The following GPR89B variants were observed in gnomAD, a reference collection of about 807,000 sequenced individuals.
The protein encoded by GPR89B is G protein-coupled receptor 89B.
GPR89B carries 25 observed loss-of-function variants against 52.4 expected under a neutral mutation model. The observed-to-expected ratio is 0.48, with a 90% CI of 0.35 to 0.67. The LOEUF (loss-of-function observed/expected upper bound fraction) is 0.67. Ranked by LOEUF, GPR89B falls within the 30% of genes least tolerant of loss-of-function variation. GPR89B has a pLI of 0.01. For synonymous variants in GPR89B, 52 were observed against 151.2 expected (o/e 0.34, Z 4.81); for missense variants, 146 against 450.2 (o/e 0.32, Z 6.11).
chr1:147,948,756 ATTTTTTTT>A (rs199854363), intron 5 of GPR89B, among the ~76,000 whole-genome samples: 10 of 138,314 alleles, frequency 7.2e-5, no homozygotes, highest in South Asian at 2.3e-4. Flanking sequence ...AGATAAAATA[ATTTTTTTT>A]TTTTTTTTTT....
intron 5 of GPR89B, among the ~76,000 whole-genome samples, chr1:147,948,070 A>G (rs1206460838): frequency 6.6e-6 from 1 of 152,144 alleles, no homozygotes; most frequent in African/African-American, 2.4e-5. Flanking sequence ...AGAGGTAAAT[A>G]TATAAATAAA....
At chr1:147,959,119 T>A (rs1656348482) in intron 7 of GPR89B, among the ~76,000 whole-genome samples, 1 of 152,162 alleles carries the variant, frequency 6.6e-6, no homozygotes, top group Non-Finnish European at 1.5e-5. Flanking sequence ...AGGGCCATAG[T>A]GAGATGACAT....
the GPR89B span, among the ~76,000 whole-genome samples, chr1:148,008,980 C>T: frequency 1.2e-4 from 19 of 152,118 alleles, no homozygotes; most frequent in Admixed American, 1.2e-3. Flanking sequence ...TCTCATTTTT[C>T]TTGCCTTTTA....
At chr1:148,002,038 C>CTTTT in the GPR89B span, among the ~76,000 whole-genome samples, 5 of 130,048 alleles carry the variant, frequency 3.8e-5, no homozygotes, top group South Asian at 2.4e-4. Flanking sequence ...CCAGATGCTG[C>CTTTT]TTTTTTTTTT....
chr1:147,968,227 A>G (rs1482838286), intron 8 of GPR89B: 2 of 453,460 alleles, frequency 4.4e-6, no homozygotes, highest in African/African-American at 2.0e-5. Flanking sequence ...CTTGGAAAAT[A>G]ACATAGTGTA....
chr1:148,013,747 G>T, the GPR89B span, among the ~76,000 whole-genome samples: 1 of 152,120 alleles, frequency 6.6e-6, no homozygotes, highest in Non-Finnish European at 1.5e-5. Context: ...CTGCCTCAGG[G>T]TCTCTGTCCT....
At chr1:148,012,034 G>A in the GPR89B span, 1 of 152,076 alleles carries the variant, frequency 6.6e-6, no homozygotes, top group Non-Finnish European at 1.5e-5. Context: ...GCAACGTTTG[G>A]AGAGTTTTTT....
chr1:147,942,035 CAA>C (rs1366532743), intron 3 of GPR89B, among the ~76,000 whole-genome samples: 11 of 150,742 alleles, frequency 7.3e-5, no homozygotes, highest in Admixed American at 4.0e-4. Context: ...ATTCCAAAAA[CAA>C]GAGAAAATTT....
downstream of GPR89B, among the ~76,000 whole-genome samples, chr1:147,995,097 ATT>A (rs1341780314): frequency 2.0e-5 from 3 of 152,150 alleles, no homozygotes; most frequent in African/African-American, 7.2e-5. Context: ...TTTAAACAAT[ATT>A]GTCTTTAACC....
chr1:147,952,203 A>G (rs587613686), intron 5 of GPR89B, among the ~76,000 whole-genome samples: 2 of 152,236 alleles, frequency 1.3e-5, no homozygotes, highest in East Asian at 1.9e-4. Context: ...TCTGGAGACC[A>G]TACATTTGTA....
chr1:147,987,395 C>CT (rs1658745136), intron 11 of GPR89B, among the ~76,000 whole-genome samples: 1 of 149,422 alleles, frequency 6.7e-6, no homozygotes, highest in Non-Finnish European at 1.5e-5. Flanking sequence ...TGGCATGCAC[C>CT]TGTAGTCCCA....
intron 12 of GPR89B, among the ~76,000 whole-genome samples, chr1:147,991,157 C>T (rs1659036999): frequency 6.6e-6 from 1 of 150,878 alleles, no homozygotes; most frequent in East Asian, 1.9e-4. Context: ...TTGAAGAGGT[C>T]CTTCACATCC....
At chr1:147,970,525 C>CTCTCTA (rs1657362977) in intron 10 of GPR89B, among the ~76,000 whole-genome samples, 1 of 145,114 alleles carries the variant, frequency 6.9e-6, no homozygotes, top group Admixed American at 6.8e-5. Flanking sequence ...CTCTCTCTCT[C>CTCTCTA]TCTCTCTCTA....
At chr1:147,928,818 G>C (rs1553246586) in intron 1 of GPR89B, 1 of 263,548 alleles carries the variant, frequency 3.8e-6, no homozygotes, top group Non-Finnish European at 5.9e-6. Context: ...CCGGAATTTC[G>C]GTCCACTTTT....
intron 12 of GPR89B, among the ~76,000 whole-genome samples, chr1:147,989,494 C>T (rs1438617562): frequency 1.3e-5 from 2 of 150,320 alleles, no homozygotes; most frequent in East Asian, 3.9e-4. Flanking sequence ...AGGTTTGTTA[C>T]ATTTGGATAC....
the GPR89B span, among the ~76,000 whole-genome samples, chr1:147,999,012 C>T: frequency 6.6e-6 from 1 of 151,934 alleles, no homozygotes; most frequent in African/African-American, 2.4e-5. Context: ...ACCCTCCACC[C>T]CAACCTACAG....
chr1:147,950,681 G>C (rs1261267564), intron 5 of GPR89B, among the ~76,000 whole-genome samples: 1 of 152,186 alleles, frequency 6.6e-6, no homozygotes, highest in Admixed American at 6.5e-5. Context: ...CTGCAATCCC[G>C]GCACCTCGGG....
At chr1:147,973,732 A>C (rs1187055141) in intron 10 of GPR89B, among the ~76,000 whole-genome samples, 6 of 151,928 alleles carry the variant, frequency 3.9e-5, no homozygotes, top group Admixed American at 3.9e-4. Flanking sequence ...TTTTGTCATG[A>C]AACCTTTGCC....
At chr1:148,017,510 G>A in the GPR89B span, among the ~76,000 whole-genome samples, 1 of 149,932 alleles carries the variant, frequency 6.7e-6, no homozygotes, top group Non-Finnish European at 1.5e-5. Context: ...CGAGGTGGGT[G>A]GATCACGAGG....
Sources: allele counts gnomAD v4.1 joint callset (sites outside exome capture counted in the v4.1 genomes callset), GRCh38; gene constraint gnomAD v4.1.1; transcripts MANE v1.5; gene names NCBI Gene and HGNC (gene_info 2026-07-23, HGNC 2026-07-21).